The following PARN variants were observed in gnomAD, a reference collection of about 807,000 sequenced individuals.
The protein encoded by PARN is poly(A)-specific ribonuclease, also known as poly(A)-specific ribonuclease PARN.
In PARN, 71 loss-of-function variants were observed where a neutral mutation model predicts 102.8. The observed-to-expected ratio is 0.69, with a 90% CI of 0.57 to 0.84. The LOEUF is 0.84. Among genes scored for constraint, PARN ranks in the 40% least tolerant of loss-of-function variants. PARN has a pLI of 0.00. For missense variants in PARN, 782 were observed against 760.9 expected (o/e 1.03, Z -0.33); for synonymous variants, 261 against 252.9 (o/e 1.03, Z -0.30).
chr16:14,485,980 G>A (rs1963663969), intron 21 of PARN, among the ~76,000 whole-genome samples: 1 of 152,206 alleles, frequency 6.6e-6, no homozygotes, highest in African/African-American at 2.4e-5. Context: ...GAGCCACCGT[G>A]CCTGGCCTGG....
At position 14,549,938 on chromosome 16, in the gene PARN, G is replaced by C. The variant is rs973011723; in HGVS notation, c.1480+2083C>G. Among the ~76,000 whole-genome samples the C allele has an allele frequency of 2.0e-5, 3 of 152,186 alleles. No homozygotes were observed. In the South Asian group the frequency reaches 6.2e-4, roughly 31 times the overall value. ...TTACATAACCTGCCCAAAGACACAT[G>C]GCTGACAAGTGGTGGAGCCAAAGTT... On this transcript the variant is annotated intron_variant, in intron 21 of 23. Transcript: ENST00000437198.
Position 14,617,582 on chromosome 16 carries a change from A to T in PARN, c.388+8T>A, listed in dbSNP as rs1442127379. The T allele has an allele frequency of 1.3e-5, 18 of 1,399,830 alleles. No homozygotes were observed. The highest frequency in any genetic ancestry group is 1.7e-5 in the Admixed American group (1 of 59,720). The allele number at this position is 1,399,830 out of a possible 1,614,324, so 86.7% of individuals were successfully genotyped here. A position where few individuals can be genotyped will look rare whatever the true frequency, so the allele number is the denominator to read the frequency against. Reference sequence around the variant, plus strand: ...TAAGCTCTAAAGATAGGTTACCCATAATCTTACCATTTCGAAAAACTTTAT... The same window carrying T: ...TAAGCTCTAAAGATAGGTTACCCATTATCTTACCATTTCGAAAAACTTTAT... On this transcript the variant is annotated splice_region_variant and intron_variant, in intron 6 of 23. Coordinates refer to ENST00000437198, the MANE Select transcript of PARN (RefSeq NM_002582.4).
chr16:14,568,449 A>C (rs1267825229), intron 18 of PARN, among the ~76,000 whole-genome samples: 3 of 151,526 alleles, frequency 2.0e-5, no homozygotes, highest in African/African-American at 7.3e-5. Context: ...ACTTAAAAAA[A>C]AAAAAAAATA....
At chr16:14,614,031 T>A (rs1462014355) in intron 6 of PARN, among the ~76,000 whole-genome samples, 1 of 151,724 alleles carries the variant, frequency 6.6e-6, no homozygotes, top group Non-Finnish European at 1.5e-5. Flanking sequence ...CTTTAGGGGG[T>A]GGCGGCAGGA....
At chr16:14,472,345 C>T (rs1028040319) in intron 22 of PARN, among the ~76,000 whole-genome samples, 6 of 152,156 alleles carry the variant, frequency 3.9e-5, no homozygotes, top group Non-Finnish European at 8.8e-5. Flanking sequence ...CTTTTGAGAA[C>T]AGGCTGATCC....
chr16:14,603,627 A>G (rs1302924890), intron 11 of PARN, among the ~76,000 whole-genome samples: 1 of 152,000 alleles, frequency 6.6e-6, no homozygotes, highest in Non-Finnish European at 1.5e-5. Context: ...ACTGCTACTC[A>G]CTATCCTACG....
intron 22 of PARN, among the ~76,000 whole-genome samples, chr16:14,474,204 C>T (rs967338059): frequency 6.6e-6 from 1 of 152,162 alleles, no homozygotes; most frequent in South Asian, 2.1e-4. Context: ...GGGGTCTTGT[C>T]ATGTTGCCCA....
chr16:14,574,472 T>C (rs532512473), intron 18 of PARN, among the ~76,000 whole-genome samples: 14 of 152,202 alleles, frequency 9.2e-5, no homozygotes, highest in African/African-American at 3.4e-4. Context: ...CCCAGCACTT[T>C]GGGAAGCCAA....
At chr16:14,462,667 G>GAAGAA (rs1262460989) in intron 22 of PARN, among the ~76,000 whole-genome samples, 1 of 150,516 alleles carries the variant, frequency 6.6e-6, no homozygotes, top group African/African-American at 2.4e-5. Context: ...AGAAGAAGAA[G>GAAGAA]AAGAAAAGAA....
intron 22 of PARN, among the ~76,000 whole-genome samples, chr16:14,464,282 CT>C (rs1394670957): frequency 6.6e-6 from 1 of 152,014 alleles, no homozygotes; most frequent in Non-Finnish European, 1.5e-5. Flanking sequence ...TAAAGAAGAA[CT>C]TGTAAAAAGT....
chr16:14,547,541 C>T (rs1419148094), intron 21 of PARN, among the ~76,000 whole-genome samples: 1 of 151,910 alleles, frequency 6.6e-6, no homozygotes, highest in Non-Finnish European at 1.5e-5. Context: ...CCCATCTCTA[C>T]AAGAAAATTT....
intron 21 of PARN, among the ~76,000 whole-genome samples, 157 bp downstream of exon 21, chr16:14,551,864 T>TA (rs1967325178): frequency 6.6e-6 from 1 of 152,230 alleles, no homozygotes; most frequent in Admixed American, 6.5e-5. Context: ...ACATGATACT[T>TA]ACTAATTATT....
intron 23 of PARN, among the ~76,000 whole-genome samples, chr16:14,438,984 AAAAAGC>A (rs1960831615): frequency 6.6e-6 from 1 of 152,216 alleles, no homozygotes; most frequent in African/African-American, 2.4e-5. Flanking sequence ...TATGGTTTTT[AAAAAGC>A]AGCAGCTATG....
At chr16:14,608,000 A>G (rs985447792) in intron 9 of PARN, 3 of 393,574 alleles carry the variant, frequency 7.6e-6, no homozygotes, top group African/African-American at 2.1e-5. Flanking sequence ...TGAAAACCAA[A>G]TATTTATTGT....
intron 21 of PARN, among the ~76,000 whole-genome samples, chr16:14,509,267 C>A (rs1296252555): frequency 6.6e-6 from 1 of 152,170 alleles, no homozygotes; most frequent in African/African-American, 2.4e-5. Flanking sequence ...CATCCAGACA[C>A]CACCTACCCA....
At chr16:14,459,555 G>C (rs189700668) in intron 22 of PARN, among the ~76,000 whole-genome samples, 42 of 152,298 alleles carry the variant, frequency 2.8e-4, no homozygotes, top group Admixed American at 1.2e-3. Flanking sequence ...ACATTCATGG[G>C]TTGGAAGACT....
chr16:14,589,298 A>G (rs1350864205), intron 13 of PARN, among the ~76,000 whole-genome samples: 1 of 152,162 alleles, frequency 6.6e-6, no homozygotes. Context: ...GTGGTGGCTC[A>G]CATCTATAAT....
chr16:14,470,150 G>C (rs1962629811), intron 22 of PARN, among the ~76,000 whole-genome samples: 1 of 151,952 alleles, frequency 6.6e-6, no homozygotes, highest in Non-Finnish European at 1.5e-5. Flanking sequence ...CACAACAAAG[G>C]TCATATAAGT....
intron 21 of PARN, among the ~76,000 whole-genome samples, chr16:14,507,671 AG>A (rs1206796409): frequency 1.3e-5 from 2 of 151,802 alleles, no homozygotes; most frequent in African/African-American, 2.4e-5. Context: ...CCTGGGTGAC[AG>A]GGGGAAAAAA....
Sources: gnomAD v4.1 joint callset for allele counts (sites outside exome capture counted in the v4.1 genomes callset) on GRCh38, gnomAD v4.1.1 for gene constraint, MANE v1.5 for transcripts, NCBI Gene and HGNC (gene_info 2026-07-23, HGNC 2026-07-21) for gene names.